Variants in RERE observed in about 807,000 individuals in gnomAD.
RERE encodes the protein arginine-glutamic acid dipeptide repeats.
RERE carries 40 observed loss-of-function variants against 146.1 expected under a neutral mutation model. The ratio of observed to expected loss-of-function variants is 0.27; its 90% CI spans 0.21 to 0.36. The LOEUF is 0.36. Among genes scored for constraint, RERE ranks in the 10% least tolerant of loss-of-function variants. RERE has a pLI of 1.00. For missense variants in RERE, 1,933 were observed against 2,138.7 expected (o/e 0.90, Z 1.90); for synonymous variants, 1,003 against 866.0 (o/e 1.16, Z -2.78).
intron 1 of RERE, among the ~76,000 whole-genome samples, chr1:8,735,512 G>T (rs998224450): frequency 1.3e-5 from 2 of 152,024 alleles, no homozygotes; most frequent in Non-Finnish European, 2.9e-5. Context: ...AGATTGTTCC[G>T]TGTCAGTCCA....
At chr1:8,361,602 G>C in intron 17 of RERE, 112 bp from the exon 18 acceptor site, 1 of 1,463,354 alleles carries the variant, frequency 6.8e-7, no homozygotes, top group Non-Finnish European at 9.4e-7. Flanking sequence ...CAGCAAGCTT[G>C]GCTCCGGGAC....
chr1:8,688,194 T>A (rs140312309), intron 1 of RERE, among the ~76,000 whole-genome samples: 2 of 152,282 alleles, frequency 1.3e-5, no homozygotes, highest in Non-Finnish European at 2.9e-5. Context: ...TCTCAACACT[T>A]TGGAAGGCCA....
chr1:8,695,517 A>G (rs1002258606), intron 1 of RERE, among the ~76,000 whole-genome samples: 3 of 142,586 alleles, frequency 2.1e-5, no homozygotes, highest in African/African-American at 7.8e-5. Flanking sequence ...TGGGAGGCCC[A>G]GGGGGGCGGA....
chr1:8,467,702 T>G (rs538087925), intron 10 of RERE, among the ~76,000 whole-genome samples: 3 of 152,164 alleles, frequency 2.0e-5, no homozygotes, highest in Non-Finnish European at 4.4e-5. Flanking sequence ...TGGAGTGCAG[T>G]GGCGCGATCA....
chr1:8,473,024 A>G (rs1570296850), intron 10 of RERE, among the ~76,000 whole-genome samples: 1 of 152,190 alleles, frequency 6.6e-6, no homozygotes, highest in Non-Finnish European at 1.5e-5. Context: ...TCTGATAACA[A>G]AACACTGATT....
At chr1:8,757,648 T>C (rs561757903) in intron 1 of RERE, among the ~76,000 whole-genome samples, 1 of 152,284 alleles carries the variant, frequency 6.6e-6, no homozygotes, top group African/African-American at 2.4e-5. Flanking sequence ...TAGAAACTAC[T>C]TCACTAAAAT....
chr1:8,415,887 T>C (rs1301227773), intron 12 of RERE, among the ~76,000 whole-genome samples: 2 of 152,252 alleles, frequency 1.3e-5, no homozygotes, highest in Non-Finnish European at 2.9e-5. Flanking sequence ...GGCAATCACT[T>C]TGGCCTCAAA....
chr1:8,733,919 G>T (rs868235861), intron 1 of RERE, among the ~76,000 whole-genome samples: 2 of 152,128 alleles, frequency 1.3e-5, no homozygotes, highest in African/African-American at 4.8e-5. Flanking sequence ...CTGGCCAACA[G>T]GGTGAAACCC....
In RERE at chr1:8,546,318, T is replaced by A. The variant is rs879261524; in HGVS notation, c.726-5000A>T. On this transcript the variant is annotated intron_variant, in intron 6 of 22. Transcript: ENST00000400908. ...ATAAAAATAAAAATAAATAAAAATA[T>A]ATATATATAATTTTAGTTTGTACTT... 6.1e-3 allele frequency among the ~76,000 whole-genome samples: 629 copies of A among 102,686 alleles called. 5 individuals are homozygous for A. Among genetic ancestry groups the A allele is most frequent in the East Asian group, 0.056 (163 of 2,888 alleles). The allele number at this position is 102,686 out of a possible 152,430, so 67.4% of individuals were successfully genotyped here.
At chr1:8,496,485 A>G (rs7527389) in intron 9 of RERE, among the ~76,000 whole-genome samples, 88,522 of 150,362 alleles carry the variant, frequency 0.59, 26,545 homozygotes, top group East Asian at 0.84. Context: ...TCAAAAAAAC[A>G]AAACAAGTAA....
At chr1:8,437,433 TG>T (rs1258099531) in intron 11 of RERE, among the ~76,000 whole-genome samples, 2 of 151,132 alleles carry the variant, frequency 1.3e-5, no homozygotes, top group African/African-American at 4.9e-5. Context: ...AGGTGATCAT[TG>T]TTTTTTTTTT....
intron 10 of RERE, among the ~76,000 whole-genome samples, chr1:8,475,403 C>T (rs1292604746): frequency 7.4e-6 from 1 of 135,100 alleles, no homozygotes; most frequent in South Asian, 2.4e-4. Context: ...CTTGGCTGGG[C>T]GTGGTGGCTC....
intron 2 of RERE, among the ~76,000 whole-genome samples, chr1:8,633,154 T>C (rs905725854): frequency 6.6e-6 from 1 of 152,216 alleles, no homozygotes; most frequent in Non-Finnish European, 1.5e-5. Context: ...GCTTAGTGGC[T>C]CACACTTATA....
chr1:8,592,035 G>A (rs146511939), intron 4 of RERE, among the ~76,000 whole-genome samples: 25 of 152,270 alleles, frequency 1.6e-4, no homozygotes, highest in African/African-American at 5.8e-4. Context: ...AAAAAACACT[G>A]TAATGCTAAT....
At chr1:8,784,658 A>C (rs141343312) in intron 1 of RERE, among the ~76,000 whole-genome samples, 1 of 152,300 alleles carries the variant, frequency 6.6e-6, no homozygotes, top group Non-Finnish European at 1.5e-5. Flanking sequence ...AAGGTTTCCA[A>C]ATCTTTGTTC....
intron 12 of RERE, chr1:8,380,897 G>A (rs564516524): frequency 6.6e-6 from 3 of 456,744 alleles, no homozygotes; most frequent in Admixed American, 2.3e-5. Context: ...CTGCTGTAAC[G>A]TCTGCCAGGG....
chr1:8,813,117 C>G (rs1557558344), intron 1 of RERE, among the ~76,000 whole-genome samples: 1 of 152,112 alleles, frequency 6.6e-6, no homozygotes, highest in African/African-American at 2.4e-5. Flanking sequence ...AAATATCATT[C>G]AAGAGGAATT....
intron 10 of RERE, among the ~76,000 whole-genome samples, chr1:8,479,768 C>T (rs1644806353): frequency 6.6e-6 from 1 of 152,260 alleles, no homozygotes. Context: ...TGAGAGAACA[C>T]CTCTCTGTCG....
At chr1:8,409,198 T>C (rs970826595) in intron 12 of RERE, among the ~76,000 whole-genome samples, 5 of 152,206 alleles carry the variant, frequency 3.3e-5, no homozygotes, top group African/African-American at 9.6e-5. Context: ...GTACAACGTT[T>C]GAGAAGAGGA....
Sources: gnomAD v4.1 joint callset for allele counts (sites outside exome capture counted in the v4.1 genomes callset) on GRCh38, gnomAD v4.1.1 for gene constraint, MANE v1.5 for transcripts, NCBI Gene and HGNC (gene_info 2026-07-23, HGNC 2026-07-21) for gene names.